ANKFN1: variants seen among roughly 807,000 people sequenced by gnomAD.
ANKFN1 encodes ankyrin repeat and fibronectin type III domain containing 1.
In ANKFN1, 74 loss-of-function variants were observed where a neutral mutation model predicts 108.7. That is an observed-to-expected ratio of 0.68 (90% CI 0.56 to 0.83). The LOEUF (loss-of-function observed/expected upper bound fraction) is 0.83. Among genes scored for constraint, ANKFN1 ranks in the 40% least tolerant of loss-of-function variants. The pLI is 0.00. For missense variants in ANKFN1, 1,505 were observed against 1,382.3 expected, an observed-to-expected ratio of 1.09 and a Z score of -1.41; for synonymous variants, 547 against 516.2, an observed-to-expected ratio of 1.06 and a Z score of -0.81.
At chr17:56,084,179 G>A (rs1055650924) in intron 4 of ANKFN1, among the ~76,000 whole-genome samples, 5 of 151,176 alleles carry the variant, frequency 3.3e-5, no homozygotes, top group African/African-American at 7.3e-5. Flanking sequence ...ACCCTCTAGA[G>A]ACATATTTTG....
Position 56,221,371 on chromosome 17 carries a change from G to A in ANKFN1, c.13-6546G>A, listed in dbSNP as rs114378264. ...ATATGCCATATTTATACATCTGCTT[G>A]TATATATGCCTATTGATGAAGGGCC... On this transcript the variant is annotated intron_variant, in intron 2 of 20. Transcript: ENST00000682825. 5.6e-3 allele frequency among the ~76,000 whole-genome samples: 858 copies of A among 152,202 alleles called. 8 individuals carry two copies. Among genetic ancestry groups the A allele is most frequent in the African/African-American group, 0.02 (817 of 41,504 alleles).
At chr17:56,203,637 A>G (rs1914247742) in intron 1 of ANKFN1, among the ~76,000 whole-genome samples, 1 of 152,232 alleles carries the variant, frequency 6.6e-6, no homozygotes, top group Admixed American at 6.5e-5. Flanking sequence ...TGAGCTGTCA[A>G]GGAAGTAACT....
At chr17:56,280,702 G>GTT (rs151006741) in intron 3 of ANKFN1, among the ~76,000 whole-genome samples, 178 of 151,484 alleles carry the variant, frequency 1.2e-3, no homozygotes, top group African/African-American at 4.3e-3. Flanking sequence ...AAATCACGGA[G>GTT]TTTTTTTTTG....
intron 4 of ANKFN1, among the ~76,000 whole-genome samples, chr17:56,130,705 G>C (rs1227182252): frequency 2.0e-5 from 3 of 152,180 alleles, no homozygotes. Context: ...TAGATGGGGG[G>C]AGGACAGTTC....
At chr17:56,147,102 C>T (rs1465647054) in intron 4 of ANKFN1, among the ~76,000 whole-genome samples, 1 of 152,154 alleles carries the variant, frequency 6.6e-6, no homozygotes, top group African/African-American at 2.4e-5. Context: ...CCTCATTTCC[C>T]AACAAGTTCC....
At chr17:56,252,641 G>A (rs542652772) in intron 3 of ANKFN1, among the ~76,000 whole-genome samples, 5 of 151,714 alleles carry the variant, frequency 3.3e-5, no homozygotes, top group African/African-American at 1.2e-4. Flanking sequence ...AGCTGGGCAG[G>A]GTGGTGCATG....
intron 1 of ANKFN1, among the ~76,000 whole-genome samples, chr17:56,172,613 C>G (rs1910781085): frequency 6.6e-6 from 1 of 152,052 alleles, no homozygotes; most frequent in African/African-American, 2.4e-5. Flanking sequence ...GGTGCCAACT[C>G]AGAGTCTAGA....
chr17:56,055,456 TG>T (rs1296567652), intron 4 of ANKFN1, among the ~76,000 whole-genome samples: 2 of 149,272 alleles, frequency 1.3e-5, no homozygotes. Context: ...TGTGTGTGTG[TG>T]TATTATTCCA....
At chr17:56,321,950 T>G (rs187199212) in intron 3 of ANKFN1, among the ~76,000 whole-genome samples, 118 of 152,272 alleles carry the variant, frequency 7.7e-4, no homozygotes, top group African/African-American at 2.1e-3. Context: ...ACTCTCACAT[T>G]TCATGGAAAC....
chr17:56,353,155 G>C (rs1469917673), intron 5 of ANKFN1, among the ~76,000 whole-genome samples: 1 of 152,054 alleles, frequency 6.6e-6, no homozygotes, highest in East Asian at 1.9e-4. Flanking sequence ...CTACAGGGAA[G>C]TAATGGGGTA....
intron 20 of ANKFN1, among the ~76,000 whole-genome samples, chr17:56,501,370 G>A (rs553254584): frequency 6.6e-6 from 1 of 152,260 alleles, no homozygotes; most frequent in Admixed American, 6.5e-5. Context: ...TGTATGAAGA[G>A]ACCATAAGGG....
intron 1 of ANKFN1, among the ~76,000 whole-genome samples, chr17:56,203,394 C>T (rs1914224333): frequency 6.6e-6 from 1 of 152,178 alleles, no homozygotes; most frequent in Admixed American, 6.5e-5. Context: ...GGTGATGCTC[C>T]CCTCATGGTG....
At chr17:56,267,429 C>G (rs1489380811) in intron 3 of ANKFN1, among the ~76,000 whole-genome samples, 1 of 152,140 alleles carries the variant, frequency 6.6e-6, no homozygotes, top group African/African-American at 2.4e-5. Flanking sequence ...AAGTCCCAGT[C>G]GTCAATTTTA....
intron 4 of ANKFN1, among the ~76,000 whole-genome samples, chr17:56,095,423 C>G (rs1905515311): frequency 6.6e-6 from 1 of 150,868 alleles, no homozygotes; most frequent in Non-Finnish European, 1.5e-5. Context: ...TCTCAAGTAT[C>G]TGGAACTACA....
chr17:56,447,083 C>A (rs116822793), intron 10 of ANKFN1, among the ~76,000 whole-genome samples: 1 of 151,510 alleles, frequency 6.6e-6, no homozygotes, highest in Admixed American at 6.6e-5. Flanking sequence ...ATTAACCAGG[C>A]CTGCTGGCAC....
At chr17:56,190,685 T>A (rs1358242884) in intron 1 of ANKFN1, among the ~76,000 whole-genome samples, 1 of 117,264 alleles carries the variant, frequency 8.5e-6, no homozygotes, top group Non-Finnish European at 1.7e-5. Context: ...AAAATGTATA[T>A]TCTGTTGATT....
Position 56,374,601 on chromosome 17 carries a change from G to A in ANKFN1, c.797G>A (p.Arg266Lys). 6.2e-7 allele frequency: 1 copy of A among 1,611,936 alleles called. No individual in the cohort carries two copies. The highest frequency in any genetic ancestry group is 8.5e-7 in the Non-Finnish European group (1 of 1,178,300). ...CCTTGTGTTTTTCCTTCTGTCCCAG[G>A]AGCCCCTGAGATGCCAACCAATGTC... ...RRMKTGFEHA[R>K]APEMPTNVCL... Residue 266 changes from arginine to lysine, a missense_variant and splice_region_variant, in exon 8 of 21, where the codon AGA (arginine) becomes AAA (lysine). By Grantham distance (26) the Arg-to-Lys change is conservative. Transcript: ENST00000682825.
intron 15 of ANKFN1, among the ~76,000 whole-genome samples, chr17:56,467,042 T>C (rs2050098074): frequency 6.6e-6 from 1 of 152,062 alleles, no homozygotes. Context: ...CGCTGGAACC[T>C]GGGAGGCGGG....
intron 4 of ANKFN1, among the ~76,000 whole-genome samples, chr17:56,118,544 TTGA>T (rs1472247848): frequency 6.6e-6 from 1 of 152,150 alleles, no homozygotes; most frequent in Non-Finnish European, 1.5e-5. Flanking sequence ...ACTGCTGCTA[TTGA>T]TGATGATACA....
Sources: allele counts gnomAD v4.1 joint callset (sites outside exome capture counted in the v4.1 genomes callset), GRCh38; gene constraint gnomAD v4.1.1; transcripts MANE v1.5; gene names NCBI Gene and HGNC (gene_info 2026-07-23, HGNC 2026-07-21).